The following ADAMTS5 variants were observed in gnomAD, a reference collection of about 807,000 sequenced individuals.
ADAMTS5 encodes ADAM metallopeptidase with thrombospondin type 1 motif 5.
ADAMTS5 carries 54 observed loss-of-function variants against 81.4 expected under a neutral mutation model. The observed-to-expected ratio is 0.66, with a 90% CI of 0.53 to 0.83. The LOEUF (loss-of-function observed/expected upper bound fraction) is 0.83. Ranked by LOEUF, ADAMTS5 falls within the 40% of genes least tolerant of loss-of-function variation. The pLI, the probability that ADAMTS5 is intolerant of heterozygous loss-of-function variation, is 0.00. For synonymous variants in ADAMTS5, 532 were observed against 508.8 expected (o/e 1.05, Z -0.61); for missense variants, 1,194 against 1,229.9 (o/e 0.97, Z 0.44).
chr21:26,935,741 G>T (rs539519311), intron 3 of ADAMTS5, among the ~76,000 whole-genome samples: 2 of 151,942 alleles, frequency 1.3e-5, no homozygotes, highest in East Asian at 3.9e-4. Flanking sequence ...TCCCCTCCCC[G>T]CAAAAGCTTC....
Position 26,966,520 on chromosome 21 carries a change from A to T in ADAMTS5, c.-129T>A. 1.2e-6 allele frequency: 1 copy of T among 868,944 alleles called. No homozygotes were observed. The highest frequency in any genetic ancestry group is 1.6e-6 in the Non-Finnish European group (1 of 644,834). 53.8% of individuals were successfully genotyped at this position (868,944 alleles called of 1,614,324 possible). On this transcript the variant is annotated 5_prime_UTR_variant, in exon 1 of 8. Coordinates refer to ENST00000284987, the MANE Select transcript of ADAMTS5 (RefSeq NM_007038.5). The stretch of plus-strand genomic sequence containing the variant: ...CTTGCAGGATTGAGTCAAGTGTCGG[A>T]GGGAGGGGGGCCCGGCAGCAGCGCC...
intron 2 of ADAMTS5, among the ~76,000 whole-genome samples, chr21:26,949,643 C>T (rs2123194018): frequency 6.6e-6 from 1 of 152,136 alleles, no homozygotes; most frequent in South Asian, 2.1e-4. Context: ...TAGGTTTCTC[C>T]CTAGAGAAAC....
At chr21:26,931,600 G>A (rs369203939) in intron 6 of ADAMTS5, among the ~76,000 whole-genome samples, 7 of 152,100 alleles carry the variant, frequency 4.6e-5, no homozygotes, top group Middle Eastern at 3.4e-3. Flanking sequence ...CCATCTCCAC[G>A]GCTCATCAAA....
chr21:26,940,890 C>T (rs1235994503), intron 3 of ADAMTS5, among the ~76,000 whole-genome samples: 1 of 152,088 alleles, frequency 6.6e-6, no homozygotes, highest in African/African-American at 2.4e-5. Flanking sequence ...CTTTCACTTA[C>T]ATTGACTTAA....
Position 26,919,896 on chromosome 21 carries a change from C to A in ADAMTS5, c.*4157G>T, listed in dbSNP as rs142385271. On this transcript the variant is annotated 3_prime_UTR_variant, in exon 8 of 8. Coordinates refer to ENST00000284987, the MANE Select transcript of ADAMTS5 (RefSeq NM_007038.5). ...TCCTTTTCTGTGTGTCTAAATGATA[C>A]ATTGTCTTGAATTTGGTTCTATTAA... 1 of 152,140 alleles carries A rather than the reference C, an allele frequency of 6.6e-6. No homozygotes were observed. The highest frequency in any genetic ancestry group is 2.4e-5 in the African/African-American group (1 of 41,538). The allele number at this position is 152,140 out of a possible 1,614,324, so 9.4% of individuals were successfully genotyped here. A position where few individuals can be genotyped will look rare whatever the true frequency, so the allele number is the denominator to read the frequency against.
chr21:26,961,120 G>A (rs868831359), intron 1 of ADAMTS5, among the ~76,000 whole-genome samples: 9 of 152,212 alleles, frequency 5.9e-5, no homozygotes, highest in South Asian at 2.1e-4. Flanking sequence ...AATGCTTTTA[G>A]TTTAGAGAGC....
In ADAMTS5 at chr21:26,918,110, G is replaced by A. The variant is rs1381177057; in HGVS notation, c.*5943C>T. On this transcript the variant is annotated 3_prime_UTR_variant, in exon 8 of 8. Transcript: ENST00000284987. ...CTGAATAACAGAGCTGTTGTGGAAT[G>A]CAGGCTACAAGACACAGTAATGCTT... is the stretch of plus-strand genomic sequence containing the variant. 1.3e-5 allele frequency: 2 copies of A among 152,394 alleles called. No homozygotes were observed. The highest frequency in any genetic ancestry group is 2.9e-5 in the Non-Finnish European group (2 of 67,922). The allele number at this position is 152,394 out of a possible 1,614,324, so 9.4% of individuals were successfully genotyped here.
In ADAMTS5 at chr21:26,932,992, C is replaced by A. The variant is rs2409195; in HGVS notation, c.1742G>T (p.Arg581Leu). 1.9e-6 allele frequency: 3 copies of A among 1,613,814 alleles called. No individual in the cohort carries two copies. The highest frequency in any genetic ancestry group is 1.3e-5 in the African/African-American group (1 of 74,972). The change falls in exon 5 of 8, where the codon CGC (arginine) becomes CTC (leucine). Residue 581 changes from arginine to leucine, a missense_variant. Coordinates refer to ENST00000284987, the MANE Select transcript of ADAMTS5 (RefSeq NM_007038.5). ...AAACTGCACTCCTCCTCCACATGAGCGAGAACACTGGCCCCAGGATCCCCA... is the reference window on the plus strand; with the variant it reads ...AAACTGCACTCCTCCTCCACATGAGAGAGAACACTGGCCCCAGGATCCCCA... ...GSWGSWGQCS[R>L]SCGGGVQFAY...
At chr21:26,939,249 T>C (rs1987071231) in intron 3 of ADAMTS5, among the ~76,000 whole-genome samples, 1 of 152,152 alleles carries the variant, frequency 6.6e-6, no homozygotes, top group South Asian at 2.1e-4. Context: ...ATGCATTAGG[T>C]ATATTGTTGA....
rs1600996276 is a variant in ADAMTS5, at chr21:26,923,875, G to A, written c.*178C>T. On this transcript the variant is annotated 3_prime_UTR_variant, in exon 8 of 8. Transcript: ENST00000284987. Reference sequence around the variant, plus strand: ...TATATTGCAAGGTCACCACTGTCACGTGAAGCAGTGCACATCCTCTTTTGG... The same window carrying A: ...TATATTGCAAGGTCACCACTGTCACATGAAGCAGTGCACATCCTCTTTTGG... 5 of 607,634 alleles carry A rather than the reference G, an allele frequency of 8.2e-6. No individual in the cohort carries two copies. Among genetic ancestry groups the A allele is most frequent in the South Asian group, 5.7e-5 (2 of 35,108 alleles). The allele number at this position is 607,634 out of a possible 1,614,324, so 37.6% of individuals were successfully genotyped here.
In ADAMTS5 at chr21:26,924,475, T is replaced by G. The variant is rs751841876; in HGVS notation, c.2371A>C (p.Met791Leu). The G allele has an allele frequency of 1.2e-6, 2 of 1,614,202 alleles. No homozygotes were observed. The highest frequency in any genetic ancestry group is 2.2e-5 in the South Asian group (2 of 91,092). ...NGEYLINGKY[M>L]ISTSETIIDI... ...ATGATAGTCTCTGAAGTGGAGATCA[T>G]GTACTTTCCATTGATAAGGTACTCA... is the stretch of plus-strand genomic sequence containing the variant. Residue 791 changes from methionine to leucine, a missense_variant, in exon 8 of 8, where the codon ATG becomes CTG. Coordinates refer to ENST00000284987, the MANE Select transcript of ADAMTS5 (RefSeq NM_007038.5).
chr21:26,951,602 C>G (rs923684741), intron 2 of ADAMTS5, among the ~76,000 whole-genome samples: 1 of 132,672 alleles, frequency 7.5e-6, no homozygotes, highest in Non-Finnish European at 1.5e-5. Context: ...TCTCTTGAAC[C>G]TGGGAGGCAG....
In ADAMTS5 at chr21:26,966,362, C is replaced by A; in HGVS notation, c.30G>T (p.Leu10=). 6.7e-7 allele frequency: 1 copy of A among 1,498,620 alleles called. No homozygotes were observed. Among genetic ancestry groups the A allele is most frequent in the Non-Finnish European group, 8.8e-7 (1 of 1,132,994 alleles). The allele number at this position is 1,498,620 out of a possible 1,614,324, so 92.8% of individuals were successfully genotyped here. A position where few individuals can be genotyped will look rare whatever the true frequency, so the allele number is the denominator to read the frequency against. The change falls in exon 1 of 8, where the codon CTG becomes CTT. Residue 10 remains leucine, a synonymous_variant. Coordinates refer to ENST00000284987, the MANE Select transcript of ADAMTS5 (RefSeq NM_007038.5). ...CGGCCAGGGGCAGGCGGAACGCGCACAGCAGCAGGGACGCCCACCCGAGCA... is the reference window on the plus strand; with the variant it reads ...CGGCCAGGGGCAGGCGGAACGCGCAAAGCAGCAGGGACGCCCACCCGAGCA... MLLGWASLL[L]CAFRLPLAAV...
In ADAMTS5 at chr21:26,927,836, C is replaced by T. The variant is rs75229157; in HGVS notation, c.2225+2050G>A. ...ATGAACACTTGGATTGCGGTGGGAGCGGTCACGGTGGTGAGGGGCACCCAG... is the reference window on the plus strand; with the variant it reads ...ATGAACACTTGGATTGCGGTGGGAGTGGTCACGGTGGTGAGGGGCACCCAG... On this transcript the variant is annotated intron_variant, in intron 7 of 7. Coordinates refer to ENST00000284987, the MANE Select transcript of ADAMTS5 (RefSeq NM_007038.5). Among the ~76,000 whole-genome samples the T allele has an allele frequency of 7.7e-3, 1,173 of 151,740 alleles. 13 individuals carry two copies. Among genetic ancestry groups the T allele is most frequent in the African/African-American group, 0.027 (1,106 of 41,376 alleles).
At chr21:26,963,639 A>C (rs9636575) in intron 1 of ADAMTS5, among the ~76,000 whole-genome samples, 1 of 98,236 alleles carries the variant, frequency 1.0e-5, no homozygotes, top group African/African-American at 4.3e-5. Context: ...AAAGTTGCTT[A>C]CCAAAAAAAA....
chr21:26,953,265 A>C (rs1987355766), intron 2 of ADAMTS5, among the ~76,000 whole-genome samples: 1 of 152,238 alleles, frequency 6.6e-6, no homozygotes, highest in South Asian at 2.1e-4. Flanking sequence ...GACTCCACTC[A>C]GATCTTTGAC....
At chr21:26,934,363 A>G in intron 4 of ADAMTS5, 103 bp downstream of exon 4, 1 of 1,436,032 alleles carries the variant, frequency 7.0e-7, no homozygotes, top group East Asian at 2.3e-5. Flanking sequence ...AAAAGTTTTT[A>G]AATTAGAAAA....
intron 2 of ADAMTS5, among the ~76,000 whole-genome samples, chr21:26,948,879 C>T (rs185205537): frequency 5.6e-4 from 85 of 152,218 alleles, no homozygotes; most frequent in African/African-American, 2.0e-3. Context: ...CTCACTTTAG[C>T]AGTATATTAG....
In ADAMTS5 at chr21:26,965,738, G is replaced by A. The variant is rs374706036; in HGVS notation, c.654C>T (p.Ala218=). The stretch of plus-strand genomic sequence containing the variant: ...TGCTGTGCGCCGGAGCATGCTCGTG[G>A]GCCTCCGGTGTGGACGCGGGGGTTT... The part of the protein sequence containing the change: ...SCETPASTPE[A]HEHAPAHSNP... The change falls in exon 1 of 8, where the codon GCC becomes GCT. Residue 218 remains alanine (A), a synonymous_variant. Transcript: ENST00000284987. 5.0e-5 allele frequency: 80 copies of A among 1,594,100 alleles called. No homozygotes were observed. The African/African-American group carries it at 8.6e-4, about 17-fold the overall frequency.
Sources: allele counts gnomAD v4.1 joint callset (sites outside exome capture counted in the v4.1 genomes callset), GRCh38; gene constraint gnomAD v4.1.1; transcripts MANE v1.5; gene names NCBI Gene and HGNC (gene_info 2026-07-23, HGNC 2026-07-21).